SPIRE1: variants seen among roughly 807,000 people sequenced by gnomAD.
SPIRE1 encodes protein spire homolog 1.
SPIRE1 carries 40 observed loss-of-function variants against 94.1 expected under a neutral mutation model. The observed-to-expected ratio is 0.43, with a 90% CI of 0.33 to 0.55. The LOEUF (loss-of-function observed/expected upper bound fraction) is 0.55. SPIRE1 is among the 20% of genes least tolerant of loss of function. SPIRE1 has a pLI of 0.06. For synonymous variants in SPIRE1, 376 were observed against 371.7 expected (o/e 1.01, Z -0.13); for missense variants, 838 against 975.2 (o/e 0.86, Z 1.87).
chr18:12,592,323 T>C (rs1262626159), intron 2 of SPIRE1, among the ~76,000 whole-genome samples: 1 of 152,230 alleles, frequency 6.6e-6, no homozygotes, highest in African/African-American at 2.4e-5. Flanking sequence ...ATAATATTAA[T>C]ATCTGTTAAA....
intron 2 of SPIRE1, among the ~76,000 whole-genome samples, chr18:12,552,136 G>A (rs2035369058): frequency 6.6e-6 from 1 of 152,230 alleles, no homozygotes; most frequent in African/African-American, 2.4e-5. Context: ...CCCGTAGTGG[G>A]AACTTGAGTT....
chr18:12,538,079 G>A (rs532885904), intron 3 of SPIRE1, among the ~76,000 whole-genome samples: 1 of 152,162 alleles, frequency 6.6e-6, no homozygotes, highest in South Asian at 2.1e-4. Flanking sequence ...TTTAGACCAC[G>A]TAAGTAATTT....
intron 2 of SPIRE1, among the ~76,000 whole-genome samples, chr18:12,608,173 A>AC (rs1400790527): frequency 5.3e-5 from 8 of 151,236 alleles, no homozygotes; most frequent in Non-Finnish European, 1.2e-4. Flanking sequence ...AAAAAAAAAA[A>AC]ATCTCACCTA....
At chr18:12,655,432 G>A (rs1241374399) in intron 1 of SPIRE1, among the ~76,000 whole-genome samples, 77 of 152,180 alleles carry the variant, frequency 5.1e-4, no homozygotes, top group Non-Finnish European at 7.3e-5. Context: ...ATAAACTAAT[G>A]TTTTAGTATG....
chr18:12,478,337 C>T (rs918492476), intron 10 of SPIRE1, among the ~76,000 whole-genome samples: 2 of 143,110 alleles, frequency 1.4e-5, no homozygotes, highest in Admixed American at 7.0e-5. Flanking sequence ...TGTGTGTGCA[C>T]GCATGCATGT....
chr18:12,595,332 G>A (rs944332464), intron 2 of SPIRE1, among the ~76,000 whole-genome samples: 6 of 151,998 alleles, frequency 3.9e-5, no homozygotes, highest in East Asian at 1.9e-4. Flanking sequence ...AATAATACAG[G>A]ATATAACACA....
Position 12,519,339 on chromosome 18 carries a change from C to A in SPIRE1, c.730-6808G>T, listed in dbSNP as rs184066749. Among the ~76,000 whole-genome samples, 6 of 152,218 alleles carry A rather than the reference C, an allele frequency of 3.9e-5. No homozygotes were observed. In the South Asian group the frequency reaches 1.0e-3, roughly 26 times the overall value. On this transcript the variant is annotated intron_variant, in intron 4 of 16. Transcript: ENST00000409402. ...CCAGTATTTTTTGTACCTATACACA[C>A]ATGTGCACACACGCACGCACACACA...
chr18:12,521,662 G>C (rs1262029518), intron 4 of SPIRE1, among the ~76,000 whole-genome samples: 1 of 152,074 alleles, frequency 6.6e-6, no homozygotes, highest in Non-Finnish European at 1.5e-5. Flanking sequence ...CAAATTGAAG[G>C]TTTGCAGCAA....
At chr18:12,615,945 T>C (rs2037296063) in intron 2 of SPIRE1, among the ~76,000 whole-genome samples, 1 of 152,218 alleles carries the variant, frequency 6.6e-6, no homozygotes, top group African/African-American at 2.4e-5. Flanking sequence ...TTGTCATGAG[T>C]TGCAGAATTC....
intron 1 of SPIRE1, among the ~76,000 whole-genome samples, chr18:12,648,992 T>C (rs780408362): frequency 6.6e-6 from 1 of 152,144 alleles, no homozygotes; most frequent in African/African-American, 2.4e-5. Flanking sequence ...CAATGTTGTT[T>C]TTTCAGTTTT....
intron 10 of SPIRE1, among the ~76,000 whole-genome samples, chr18:12,473,517 G>A (rs1459089669): frequency 6.6e-6 from 1 of 152,048 alleles, no homozygotes; most frequent in Non-Finnish European, 1.5e-5. Flanking sequence ...TTATTACTGT[G>A]GAATACCACA....
At chr18:12,575,137 G>A (rs2036060161) in intron 2 of SPIRE1, among the ~76,000 whole-genome samples, 2 of 152,052 alleles carry the variant, frequency 1.3e-5, no homozygotes, top group Admixed American at 6.6e-5. Context: ...AGCATGTTTT[G>A]AATGGTGATG....
At chr18:12,476,668 G>T (rs370281057) in intron 10 of SPIRE1, among the ~76,000 whole-genome samples, 4 of 121,108 alleles carry the variant, frequency 3.3e-5, no homozygotes, top group Admixed American at 8.8e-5. Flanking sequence ...ATATATAAAA[G>T]AATTTCAAAA....
chr18:12,597,295 C>T (rs2144618399), intron 2 of SPIRE1, among the ~76,000 whole-genome samples: 1 of 152,056 alleles, frequency 6.6e-6, no homozygotes, highest in South Asian at 2.1e-4. Flanking sequence ...ATTCTGACCA[C>T]CAGATTTTTC....
At chr18:12,577,663 T>C (rs2036145892) in intron 2 of SPIRE1, among the ~76,000 whole-genome samples, 1 of 151,920 alleles carries the variant, frequency 6.6e-6, no homozygotes, top group Non-Finnish European at 1.5e-5. Context: ...CAAATTAGAG[T>C]TGATCAAAAT....
intron 1 of SPIRE1, among the ~76,000 whole-genome samples, chr18:12,644,969 A>G (rs2038183679): frequency 6.6e-6 from 1 of 152,122 alleles, no homozygotes; most frequent in Non-Finnish European, 1.5e-5. Context: ...GCCGGGCACC[A>G]TGGCTCACAC....
At chr18:12,463,091 G>A (rs912686746) in intron 12 of SPIRE1, among the ~76,000 whole-genome samples, 3 of 151,902 alleles carry the variant, frequency 2.0e-5, no homozygotes, top group Non-Finnish European at 2.9e-5. Flanking sequence ...TTGCAGAGAC[G>A]GGATCTCACA....
At chr18:12,611,073 C>G (rs2037127534) in intron 2 of SPIRE1, among the ~76,000 whole-genome samples, 1 of 152,096 alleles carries the variant, frequency 6.6e-6, no homozygotes, top group African/African-American at 2.4e-5. Context: ...AATAATTTTC[C>G]CTTCTATACT....
intron 4 of SPIRE1, among the ~76,000 whole-genome samples, chr18:12,535,264 T>C (rs545985093): frequency 2.6e-5 from 4 of 152,352 alleles, no homozygotes; most frequent in South Asian, 2.1e-4. Flanking sequence ...GTTTCTTAAA[T>C]GGTTCACACT....
Sources: allele counts gnomAD v4.1 joint callset (sites outside exome capture counted in the v4.1 genomes callset), GRCh38; gene constraint gnomAD v4.1.1; transcripts MANE v1.5; gene names NCBI Gene and HGNC (gene_info 2026-07-23, HGNC 2026-07-21).